CSMD1: variants seen among roughly 807,000 people sequenced by gnomAD.
CSMD1 encodes CUB and Sushi multiple domains 1.
Under a neutral mutation model 417.5 loss-of-function variants are expected in CSMD1, and 213 were observed. The ratio of observed to expected loss-of-function variants is 0.51; its 90% CI spans 0.46 to 0.57. The LOEUF is 0.57. Among genes scored for constraint, CSMD1 ranks in the 20% least tolerant of loss-of-function variants. The pLI, the probability that CSMD1 is intolerant of heterozygous loss-of-function variation, is 0.00. For synonymous variants in CSMD1, 2,862 were observed against 1,736.8 expected (o/e 1.65, Z -16.11); for missense variants, 6,923 against 4,529.7 (o/e 1.53, Z -15.17).
chr8:4,732,476 G>C (rs547980032), intron 1 of CSMD1, among the ~76,000 whole-genome samples: 1 of 151,522 alleles, frequency 6.6e-6, no homozygotes, highest in East Asian at 1.9e-4. Context: ...TACTTACAAG[G>C]GCTTCATTTT....
At chr8:4,649,969 C>G (rs538992559) in intron 1 of CSMD1, among the ~76,000 whole-genome samples, 1 of 152,316 alleles carries the variant, frequency 6.6e-6, no homozygotes, top group African/African-American at 2.4e-5. Flanking sequence ...ACACAGATGA[C>G]ACAGCTGCCT....
At position 4,438,130 on chromosome 8, in the gene CSMD1, A is replaced by G. The variant is rs190143960; in HGVS notation, c.303-18065T>C. On this transcript the variant is annotated intron_variant, in intron 2 of 69. Coordinates refer to ENST00000635120, the MANE Select transcript of CSMD1 (RefSeq NM_033225.6). ...TCTAGCACACTACGCTGCACTCAGAAAAGAATTGAGTGTGCTTCCTGATTT... is the reference window on the plus strand; with the variant it reads ...TCTAGCACACTACGCTGCACTCAGAGAAGAATTGAGTGTGCTTCCTGATTT... 1.6e-3 allele frequency among the ~76,000 whole-genome samples: 245 copies of G among 152,254 alleles called. 1 individual carries two copies. The highest frequency in any genetic ancestry group is 5.5e-3 in the African/African-American group (229 of 41,528).
At chr8:4,268,093 T>C (rs186466542) in intron 3 of CSMD1, among the ~76,000 whole-genome samples, 12 of 152,238 alleles carry the variant, frequency 7.9e-5, no homozygotes. Context: ...GAAACATTGT[T>C]ACAAAAAACC....
chr8:4,279,534 A>C (rs1293156004), intron 3 of CSMD1, among the ~76,000 whole-genome samples: 3 of 152,188 alleles, frequency 2.0e-5, no homozygotes, highest in Non-Finnish European at 4.4e-5. Flanking sequence ...TGGTTAGTGC[A>C]ACTTTAGCAA....
At chr8:3,507,230 C>A (rs901404986) in intron 10 of CSMD1, among the ~76,000 whole-genome samples, 2 of 152,106 alleles carry the variant, frequency 1.3e-5, no homozygotes, top group Non-Finnish European at 2.9e-5. Flanking sequence ...GTAACCTATA[C>A]AATATTTTTT....
intron 2 of CSMD1, among the ~76,000 whole-genome samples, chr8:4,434,759 TC>T (rs1313906215): frequency 6.6e-6 from 1 of 152,090 alleles, no homozygotes; most frequent in Non-Finnish European, 1.5e-5. Context: ...TCTTAGACTG[TC>T]AAATACACAC....
chr8:4,921,953 A>C (rs896493252), intron 1 of CSMD1, among the ~76,000 whole-genome samples: 3 of 152,172 alleles, frequency 2.0e-5, no homozygotes, highest in Non-Finnish European at 4.4e-5. Context: ...TGTTTGGAAT[A>C]CTTGCCCTCT....
intron 3 of CSMD1, among the ~76,000 whole-genome samples, chr8:4,221,463 A>T (rs1373494779): frequency 2.0e-5 from 3 of 152,176 alleles, no homozygotes; most frequent in Admixed American, 6.5e-5. Flanking sequence ...ACTTAGCAGA[A>T]TTGATAAAGC....
chr8:3,678,389 T>C (rs1430348575), intron 7 of CSMD1, among the ~76,000 whole-genome samples: 1 of 152,124 alleles, frequency 6.6e-6, no homozygotes, highest in Non-Finnish European at 1.5e-5. Context: ...ACGTGATGAA[T>C]GCACAAGTTT....
At chr8:3,249,599 TACAC>T (rs36055410) in intron 26 of CSMD1, among the ~76,000 whole-genome samples, 4 of 151,990 alleles carry the variant, frequency 2.6e-5, no homozygotes, top group African/African-American at 9.7e-5. Flanking sequence ...ATCGTATAAA[TACAC>T]ACACACACAT....
chr8:4,206,382 C>T (rs1332857484), intron 3 of CSMD1, among the ~76,000 whole-genome samples: 1 of 151,882 alleles, frequency 6.6e-6, no homozygotes, highest in East Asian at 1.9e-4. Context: ...ATGTCATATT[C>T]CCCACCCTGT....
At chr8:3,824,884 A>C (rs1434064042) in intron 5 of CSMD1, among the ~76,000 whole-genome samples, 1 of 149,470 alleles carries the variant, frequency 6.7e-6, no homozygotes, top group Non-Finnish European at 1.5e-5. Context: ...GCTTTAATAA[A>C]ATGAGAATTG....
intron 3 of CSMD1, among the ~76,000 whole-genome samples, chr8:4,145,495 G>C (rs1160495970): frequency 6.6e-6 from 1 of 151,042 alleles, no homozygotes; most frequent in Non-Finnish European, 1.5e-5. Context: ...CGGCATGTGA[G>C]CCCTGTCACC....
chr8:4,062,433 C>G (rs2130743367), intron 3 of CSMD1, among the ~76,000 whole-genome samples: 1 of 152,190 alleles, frequency 6.6e-6, no homozygotes, highest in South Asian at 2.1e-4. Context: ...TAGAAATTTT[C>G]TAAGAATCTC....
intron 10 of CSMD1, among the ~76,000 whole-genome samples, chr8:3,506,248 G>A (rs1009664419): frequency 3.3e-5 from 5 of 152,136 alleles, no homozygotes; most frequent in African/African-American, 1.2e-4. Flanking sequence ...GGTGAGCCAG[G>A]CTCTATGTCT....
intron 5 of CSMD1, among the ~76,000 whole-genome samples, chr8:3,856,775 A>G (rs569224312): frequency 2.0e-5 from 3 of 152,246 alleles, no homozygotes; most frequent in African/African-American, 7.2e-5. Flanking sequence ...TCTCTGAAGG[A>G]GACTGAGCAT....
intron 3 of CSMD1, among the ~76,000 whole-genome samples, chr8:4,393,858 A>G (rs1000802971): frequency 6.6e-6 from 1 of 152,220 alleles, no homozygotes; most frequent in Non-Finnish European, 1.5e-5. Flanking sequence ...ATGTACACAC[A>G]TGGAGCACAC....
At chr8:4,945,559 TA>T (rs1290292298) in intron 1 of CSMD1, among the ~76,000 whole-genome samples, 5 of 151,838 alleles carry the variant, frequency 3.3e-5, no homozygotes, top group African/African-American at 1.2e-4. Flanking sequence ...AAAAATGCTT[TA>T]AAAAATAAAG....
At chr8:3,424,080 G>A (rs1813668209) in intron 12 of CSMD1, among the ~76,000 whole-genome samples, 2 of 152,216 alleles carry the variant, frequency 1.3e-5, no homozygotes, top group South Asian at 2.1e-4. Context: ...TATGTTCAAT[G>A]CACCCATTAT....
Sources: allele counts gnomAD v4.1 joint callset (sites outside exome capture counted in the v4.1 genomes callset), GRCh38; gene constraint gnomAD v4.1.1; transcripts MANE v1.5; gene names NCBI Gene and HGNC (gene_info 2026-07-23, HGNC 2026-07-21).